AMD1: variants seen among roughly 807,000 people sequenced by gnomAD.
The protein encoded by AMD1 is S-adenosylmethionine decarboxylase proenzyme.
In AMD1, 11 loss-of-function variants were observed where a neutral mutation model predicts 40.2. The ratio of observed to expected loss-of-function variants is 0.27; its 90% CI spans 0.17 to 0.45. The LOEUF (loss-of-function observed/expected upper bound fraction) is 0.45, where lower values mean the gene tolerates loss of function less well. Among genes scored for constraint, AMD1 ranks in the 20% least tolerant of loss-of-function variants. AMD1 has a pLI of 1.00. For missense variants in AMD1, 257 were observed against 410.2 expected (o/e 0.63, Z 3.23); for synonymous variants, 121 against 130.8 (o/e 0.93, Z 0.51).
At chr6:110,820,152 G>A in the AMD1 span, among the ~76,000 whole-genome samples, 5 of 152,024 alleles carry the variant, frequency 3.3e-5, no homozygotes, top group East Asian at 3.9e-4. Context: ...CTCTGCCTAT[G>A]GAGTAGCCAT....
At chr6:110,887,453 GAGT>G (rs765041256) in intron 1 of AMD1, 49 bp from the exon 2 acceptor site, 46 of 1,296,862 alleles carry the variant, frequency 3.5e-5, no homozygotes, top group Non-Finnish European at 4.7e-5. Flanking sequence ...TAATTTTTAT[GAGT>G]AGGTGGGTAC....
the AMD1 span, chr6:110,859,214 A>C: frequency 1.9e-5 from 13 of 700,500 alleles, no homozygotes; most frequent in South Asian, 2.1e-5. Context: ...CTGTGTTTTC[A>C]TCTTTTTTTT....
chr6:110,881,096 T>C (rs553129643), intron 1 of AMD1, among the ~76,000 whole-genome samples: 6 of 152,320 alleles, frequency 3.9e-5, no homozygotes, highest in African/African-American at 1.2e-4. Flanking sequence ...AGACATACAA[T>C]TTGTGTGCTG....
the AMD1 span, among the ~76,000 whole-genome samples, chr6:110,818,532 A>ATATTTATT: frequency 1.0e-4 from 15 of 146,530 alleles, no homozygotes; most frequent in East Asian, 1.4e-3. Context: ...ATTTATATAT[A>ATATTTATT]TATTTATTTA....
chr6:110,893,605 C>T lies in AMD1; in HGVS notation c.994C>T (p.Gln332Ter), dbSNP rs774785876. Residue 332 changes from glutamine to a stop codon, truncating the protein, a stop_gained, in exon 9 of 9, where the codon CAG becomes TAG. Transcript: ENST00000368885. LOFTEE classifies it high-confidence loss of function. Reference protein sequence around the residue: ...FTSFAKKQQQQQS With the variant: ...FTSFAKKQQQ ...CAGTTTTGCTAAGAAGCAGCAACAA[C>T]AGCAGAGTTGATTAAGAAAAATGAA... The T allele has an allele frequency of 5.6e-6, 9 of 1,613,280 alleles. No homozygotes were observed. The South Asian group carries it at 6.6e-5, about 12-fold the overall frequency.
intron 1 of AMD1, among the ~76,000 whole-genome samples, chr6:110,880,845 GTA>G (rs1410667284): frequency 6.6e-6 from 1 of 151,962 alleles, no homozygotes; most frequent in Non-Finnish European, 1.5e-5. Context: ...GCTAATTTTG[GTA>G]TTTTTACTAG....
At chr6:110,829,775 A>G in the AMD1 span, among the ~76,000 whole-genome samples, 51,390 of 151,634 alleles carry the variant, frequency 0.34, 10,028 homozygotes, top group East Asian at 0.68. Flanking sequence ...GAGCCTGGGA[A>G]GTTGAGGCTA....
Position 110,892,171 on chromosome 6 carries a change from A to G in AMD1, c.438A>G (p.Ala146=), listed in dbSNP as rs200162848. The G allele has an allele frequency of 1.9e-6, 3 of 1,613,858 alleles. No individual in the cohort carries two copies. Among genetic ancestry groups the G allele is most frequent in the Non-Finnish European group, 2.5e-6 (3 of 1,180,044 alleles). ...CTCTTCCCTCAACAGATGGAGCAGC[A>G]TATTGTATGGGACGTATGAATTCTG... is the stretch of plus-strand genomic sequence containing the variant. The part of the protein sequence containing the change: ...FLNAIFPNGA[A]YCMGRMNSDC... The change falls in exon 5 of 9, where the codon GCA becomes GCG. Residue 146 remains alanine, a synonymous_variant. Coordinates refer to ENST00000368885, the MANE Select transcript of AMD1 (RefSeq NM_001634.6).
chr6:110,845,979 C>T, the AMD1 span, among the ~76,000 whole-genome samples: 1,577 of 152,292 alleles, frequency 0.01, 7 homozygotes, highest in Non-Finnish European at 0.018. Flanking sequence ...TGATGGCTCA[C>T]GCCTGTAATC....
the AMD1 span, among the ~76,000 whole-genome samples, chr6:110,820,240 C>CT: frequency 6.1e-3 from 864 of 141,948 alleles, 10 homozygotes; most frequent in East Asian, 0.047. Context: ...TTCTTTCTTT[C>CT]TTTTTTTTTT....
chr6:110,872,552 T>C (rs1784936979), upstream of AMD1, among the ~76,000 whole-genome samples: 1 of 152,212 alleles, frequency 6.6e-6, no homozygotes, highest in South Asian at 2.1e-4. Context: ...ATGGTAAATG[T>C]ATTTTGGACA....
At chr6:110,877,104 C>T (rs1785154445) in intron 1 of AMD1, among the ~76,000 whole-genome samples, 1 of 152,176 alleles carries the variant, frequency 6.6e-6, no homozygotes, top group Admixed American at 6.5e-5. Context: ...TTTACTGCTC[C>T]AGTGTGGCTT....
chr6:110,892,978 A>G lies in AMD1; in HGVS notation c.777A>G (p.Leu259=). The G allele has an allele frequency of 6.2e-7, 1 of 1,614,048 alleles. No homozygotes were observed. Among genetic ancestry groups the G allele is most frequent in the Non-Finnish European group, 8.5e-7 (1 of 1,179,974 alleles). ...CTTATGTTAGCTTTGAAACAAACTTAAGTCAGACCTCCTATGATGACCTGA... is the reference window on the plus strand; with the variant it reads ...CTTATGTTAGCTTTGAAACAAACTTGAGTCAGACCTCCTATGATGACCTGA... ...EFSYVSFETN[L]SQTSYDDLIR... Residue 259 remains leucine (L), a synonymous_variant, in exon 8 of 9, where the codon TTA becomes TTG. Coordinates refer to ENST00000368885, the MANE Select transcript of AMD1 (RefSeq NM_001634.6).
At chr6:110,857,845 T>C in the AMD1 span, among the ~76,000 whole-genome samples, 12 of 150,010 alleles carry the variant, frequency 8.0e-5, no homozygotes, top group South Asian at 1.3e-3. Flanking sequence ...GATTGATTGA[T>C]TGAATTAGAG....
At chr6:110,816,256 G>A in the AMD1 span, among the ~76,000 whole-genome samples, 2 of 152,170 alleles carry the variant, frequency 1.3e-5, no homozygotes, top group Non-Finnish European at 2.9e-5. Flanking sequence ...AAAGTGCCTG[G>A]AGGAAGCCGC....
the AMD1 span, among the ~76,000 whole-genome samples, chr6:110,862,426 CATT>C: frequency 4.7e-5 from 7 of 148,170 alleles, no homozygotes; most frequent in Admixed American, 2.0e-4. Flanking sequence ...CTACTTCCTG[CATT>C]ATTTCTGTTT....
chr6:110,886,214 C>A (rs1430647868), intron 1 of AMD1, among the ~76,000 whole-genome samples: 1 of 87,060 alleles, frequency 1.1e-5, no homozygotes, highest in African/African-American at 5.0e-5. Flanking sequence ...CAGAGCAAGA[C>A]TCAGTCTCAA....
the AMD1 span, among the ~76,000 whole-genome samples, chr6:110,819,728 C>T: frequency 6.6e-6 from 1 of 152,172 alleles, no homozygotes. Context: ...TGCTGTGCTG[C>T]ATTCCCAGGA....
chr6:110,824,013 T>G, the AMD1 span, among the ~76,000 whole-genome samples: 2 of 152,178 alleles, frequency 1.3e-5, no homozygotes, highest in African/African-American at 4.8e-5. Context: ...GTATGGAGAA[T>G]TCTCAAAGAA....
Sources: allele counts gnomAD v4.1 joint callset (sites outside exome capture counted in the v4.1 genomes callset), GRCh38; gene constraint gnomAD v4.1.1; transcripts MANE v1.5; gene names NCBI Gene and HGNC (gene_info 2026-07-23, HGNC 2026-07-21).